SNTG1: variants seen among roughly 807,000 people sequenced by gnomAD.
SNTG1 encodes the protein gamma-1-syntrophin.
A neutral mutation model predicts 74.7 loss-of-function variants in SNTG1; 39 were observed. That is an observed-to-expected ratio of 0.52 (90% CI 0.40 to 0.68). SNTG1 has a LOEUF of 0.68. Ranked by LOEUF, SNTG1 falls within the 30% of genes least tolerant of loss-of-function variation. The probability of loss-of-function intolerance (pLI) is 0.00; values close to 1 mark genes in which losing one functional copy is unlikely to be tolerated. For missense variants in SNTG1, 685 were observed against 609.5 expected (o/e 1.12, Z -1.30); for synonymous variants, 254 against 217.1 (o/e 1.17, Z -1.49).
chr8:50,649,921 A>G (rs1342285159), intron 13 of SNTG1, among the ~76,000 whole-genome samples: 1 of 151,860 alleles, frequency 6.6e-6, no homozygotes, highest in Non-Finnish European at 1.5e-5. Flanking sequence ...TGTTTTCTAT[A>G]TATAAATTCA....
intron 17 of SNTG1, among the ~76,000 whole-genome samples, chr8:50,714,887 A>G (rs7817821): frequency 1 from 151,624 of 152,070 alleles, 75,590 homozygotes; most frequent in East Asian, 1. Context: ...GTTTTCCCTC[A>G]ATGACTCATT....
At chr8:50,631,663 T>C (rs62516798) in intron 13 of SNTG1, among the ~76,000 whole-genome samples, 2,760 of 152,346 alleles carry the variant, frequency 0.018, 34 homozygotes, top group Non-Finnish European at 0.03. Context: ...ACAACTGTTG[T>C]ATTCTGCTTC....
chr8:50,708,688 A>T (rs1563769916), intron 16 of SNTG1, 198 bp from the exon 17 acceptor site: 2 of 548,370 alleles, frequency 3.6e-6, no homozygotes, highest in African/African-American at 3.8e-5. Flanking sequence ...CACCTTGGCA[A>T]GTTAAATAAA....
chr8:50,530,473 C>T (rs2094257918), intron 10 of SNTG1, among the ~76,000 whole-genome samples: 1 of 152,082 alleles, frequency 6.6e-6, no homozygotes, highest in Admixed American at 6.6e-5. Context: ...TCTTTTGAAG[C>T]AATAGATACT....
intron 13 of SNTG1, among the ~76,000 whole-genome samples, chr8:50,627,402 C>A (rs186030044): frequency 6.4e-4 from 97 of 152,280 alleles, no homozygotes; most frequent in Non-Finnish European, 1.1e-3. Context: ...CATGTGAGGA[C>A]AGAGTGTTCC....
chr8:49,978,768 T>C (rs975776342), intron 1 of SNTG1, among the ~76,000 whole-genome samples: 7 of 152,204 alleles, frequency 4.6e-5, no homozygotes, highest in African/African-American at 1.4e-4. Context: ...TTATCTAATG[T>C]TGAATTCCAG....
intron 2 of SNTG1, among the ~76,000 whole-genome samples, chr8:50,380,389 C>A (rs1363627199): frequency 1.3e-4 from 20 of 152,088 alleles, no homozygotes; most frequent in Admixed American, 1.2e-3. Context: ...TTGGGACACA[C>A]AAAGAGATAG....
At chr8:50,208,935 T>C (rs1311544200) in intron 2 of SNTG1, among the ~76,000 whole-genome samples, 1 of 152,192 alleles carries the variant, frequency 6.6e-6, no homozygotes, top group East Asian at 1.9e-4. Context: ...GGGCAGGGCA[T>C]CGCCTCACCT....
chr8:50,243,962 G>T (rs1213490296), intron 2 of SNTG1, among the ~76,000 whole-genome samples: 1 of 152,230 alleles, frequency 6.6e-6, no homozygotes, highest in Non-Finnish European at 1.5e-5. Context: ...GACCATTCTT[G>T]CATTGCTGTA....
chr8:50,157,605 A>G (rs2082292407), intron 1 of SNTG1, among the ~76,000 whole-genome samples: 2 of 152,154 alleles, frequency 1.3e-5, no homozygotes, highest in Non-Finnish European at 2.9e-5. Context: ...AGAAAATTTT[A>G]AATTATGGAA....
At chr8:50,340,762 C>A (rs755224622) in intron 2 of SNTG1, among the ~76,000 whole-genome samples, 48 of 151,876 alleles carry the variant, frequency 3.2e-4, no homozygotes, top group Non-Finnish European at 5.9e-5. Context: ...TTAATTTTCC[C>A]TCACTAATCT....
rs190611801 is a variant in SNTG1, at chr8:50,552,194, T to C, written c.681-856T>C. Among the ~76,000 whole-genome samples the C allele has an allele frequency of 4.2e-3, 646 of 152,334 alleles. 9 individuals carry two copies. Among genetic ancestry groups the C allele is most frequent in the African/African-American group, 0.014 (585 of 41,584 alleles). ...GAAGTAATTCTTAAGCCTGAGACTT[T>C]GGCTAGTTTCCATCCATTTTGGGAT... On this transcript the variant is annotated intron_variant, in intron 11 of 18. Transcript: ENST00000642720.
intron 5 of SNTG1, among the ~76,000 whole-genome samples, chr8:50,441,602 T>C (rs759804902): frequency 3.3e-5 from 5 of 152,216 alleles, no homozygotes; most frequent in African/African-American, 7.2e-5. Flanking sequence ...TTTAAAAATA[T>C]GACTTAAGTA....
At chr8:50,478,063 C>G (rs1190410754) in intron 8 of SNTG1, among the ~76,000 whole-genome samples, 1 of 152,158 alleles carries the variant, frequency 6.6e-6, no homozygotes, top group Non-Finnish European at 1.5e-5. Flanking sequence ...CTCTCCTCCT[C>G]TCCTATAGAT....
At chr8:49,930,314 G>T (rs554564886) in intron 1 of SNTG1, among the ~76,000 whole-genome samples, 3 of 151,942 alleles carry the variant, frequency 2.0e-5, no homozygotes, top group South Asian at 2.1e-4. Flanking sequence ...GTGAGGCAAG[G>T]TTATTCTATT....
chr8:49,966,264 T>C (rs1811126759), intron 1 of SNTG1, among the ~76,000 whole-genome samples: 1 of 152,138 alleles, frequency 6.6e-6, no homozygotes, highest in African/African-American at 2.4e-5. Context: ...TAGTTATTAG[T>C]CCATAAAATC....
chr8:50,364,449 T>C (rs900680454), intron 2 of SNTG1, among the ~76,000 whole-genome samples: 6 of 152,198 alleles, frequency 3.9e-5, no homozygotes, highest in African/African-American at 1.2e-4. Context: ...TGGGCTCTTT[T>C]TCTTTCTTTT....
intron 18 of SNTG1, among the ~76,000 whole-genome samples, chr8:50,753,077 C>T (rs147694714): frequency 3.8e-3 from 583 of 152,082 alleles, no homozygotes; most frequent in Non-Finnish European, 6.8e-3. Context: ...CTCACTTTGT[C>T]TCCCATCAGT....
At chr8:49,975,960 G>A (rs892598699) in intron 1 of SNTG1, among the ~76,000 whole-genome samples, 18 of 151,966 alleles carry the variant, frequency 1.2e-4, no homozygotes, top group Non-Finnish European at 2.4e-4. Flanking sequence ...TATTTTTTCA[G>A]TGAACAGCTA....
Sources: allele counts gnomAD v4.1 joint callset (sites outside exome capture counted in the v4.1 genomes callset), GRCh38; gene constraint gnomAD v4.1.1; transcripts MANE v1.5; gene names NCBI Gene and HGNC (gene_info 2026-07-23, HGNC 2026-07-21).